Variants in ADAMTSL1 observed in about 807,000 individuals in gnomAD.
ADAMTSL1 encodes the protein ADAMTS-like protein 1.
A neutral mutation model predicts 201.8 loss-of-function variants in ADAMTSL1; 126 were observed. The ratio of observed to expected loss-of-function variants is 0.62; its 90% CI spans 0.54 to 0.72. ADAMTSL1 has a LOEUF of 0.72. Ranked by LOEUF, ADAMTSL1 falls within the 30% of genes least tolerant of loss-of-function variation. ADAMTSL1 has a pLI of 0.00. For synonymous variants in ADAMTSL1, 1,121 were observed against 903.4 expected, an observed-to-expected ratio of 1.24 and a Z score of -4.32; for missense variants, 2,679 against 2,277.8, an observed-to-expected ratio of 1.18 and a Z score of -3.59.
At chr9:18,263,062 T>C (rs1439397521) in intron 2 of ADAMTSL1, among the ~76,000 whole-genome samples, 1 of 152,218 alleles carries the variant, frequency 6.6e-6, no homozygotes, top group Non-Finnish European at 1.5e-5. Flanking sequence ...AGTAAAGTGA[T>C]TGTTTCACTA....
chr9:18,365,554 G>A (rs1836729503), intron 2 of ADAMTSL1, among the ~76,000 whole-genome samples: 1 of 152,032 alleles, frequency 6.6e-6, no homozygotes, highest in Non-Finnish European at 1.5e-5. Flanking sequence ...TTGGATATAT[G>A]GCAATTCCAC....
intron 23 of ADAMTSL1, among the ~76,000 whole-genome samples, chr9:18,867,444 A>G (rs1334776162): frequency 6.6e-6 from 1 of 152,176 alleles, no homozygotes; most frequent in Non-Finnish European, 1.5e-5. Flanking sequence ...AAACAGTGCA[A>G]ATGTGTTTTT....
intron 1 of ADAMTSL1, among the ~76,000 whole-genome samples, chr9:17,918,929 C>T (rs1015002456): frequency 6.6e-6 from 1 of 151,870 alleles, no homozygotes; most frequent in African/African-American, 2.4e-5. Context: ...AAATGACCTT[C>T]TCTATCCCTA....
intron 20 of ADAMTSL1, among the ~76,000 whole-genome samples, chr9:18,811,656 C>T: frequency 6.6e-6 from 1 of 152,136 alleles, no homozygotes; most frequent in East Asian, 1.9e-4. Context: ...TCCAGAGTCT[C>T]ATAACTAAAA....
chr9:18,658,269 C>A (rs551467910), intron 8 of ADAMTSL1, among the ~76,000 whole-genome samples: 1 of 152,018 alleles, frequency 6.6e-6, no homozygotes, highest in Non-Finnish European at 1.5e-5. Flanking sequence ...CCACCGTGCC[C>A]GACCGAGGAA....
At chr9:18,286,834 T>C (rs1833010007) in intron 2 of ADAMTSL1, among the ~76,000 whole-genome samples, 1 of 152,232 alleles carries the variant, frequency 6.6e-6, no homozygotes, top group Non-Finnish European at 1.5e-5. Flanking sequence ...TCACAGATTT[T>C]GTGTTTATGT....
At chr9:18,287,174 G>T (rs1429345807) in intron 2 of ADAMTSL1, among the ~76,000 whole-genome samples, 1 of 152,110 alleles carries the variant, frequency 6.6e-6, no homozygotes, top group Non-Finnish European at 1.5e-5. Context: ...TATCACTGAA[G>T]AAGAAAAAGG....
chr9:18,509,749 C>T (rs183671653), intron 2 of ADAMTSL1, among the ~76,000 whole-genome samples: 1 of 152,320 alleles, frequency 6.6e-6, no homozygotes, highest in Non-Finnish European at 1.5e-5. Flanking sequence ...AAGCCATCCA[C>T]CAAGTCCAGA....
In ADAMTSL1 at chr9:18,817,145, T is replaced by A; in HGVS notation, c.3842T>A (p.Ile1281Asn). Residue 1281 changes from isoleucine (I) to asparagine (N), a missense_variant, in exon 21 of 29, where the codon ATC becomes AAC. By Grantham distance (149) the Ile-to-Asn change is moderately radical (BLOSUM62 -3). Transcript: ENST00000380548. Reference protein sequence around the residue: ...PLVKTSRMTVINTEKPAVTVD... With the variant: ...PLVKTSRMTVNNTEKPAVTVD... ...GTGAAAACGTCACGAATGACAGTGA[T>A]CAACACGGAGAAGCCTGCAGTCACA... 1 of 1,603,668 alleles carries A rather than the reference T, an allele frequency of 6.2e-7. No homozygotes were observed. Among genetic ancestry groups the A allele is most frequent in the Non-Finnish European group, 8.5e-7 (1 of 1,175,098 alleles).
intron 2 of ADAMTSL1, among the ~76,000 whole-genome samples, chr9:18,357,522 G>C (rs1270770822): frequency 6.6e-6 from 1 of 152,078 alleles, no homozygotes; most frequent in African/African-American, 2.4e-5. Context: ...GTTCTTTGGT[G>C]AGTATTTTGC....
intron 1 of ADAMTSL1, among the ~76,000 whole-genome samples, chr9:17,948,359 CCAGTTGACTGGTGAATTAG>C (rs1193412511): frequency 2.0e-5 from 3 of 152,152 alleles, no homozygotes; most frequent in African/African-American, 7.2e-5. Flanking sequence ...TTCCATTGCT[CCAGTTGACTGGTGAATTAG>C]CAGCTTCATG....
At chr9:18,466,300 A>G (rs1465295706) in intron 2 of ADAMTSL1, among the ~76,000 whole-genome samples, 1 of 152,118 alleles carries the variant, frequency 6.6e-6, no homozygotes, top group Non-Finnish European at 1.5e-5. Flanking sequence ...ACCTGCATAT[A>G]TGGTAATGGT....
chr9:18,520,976 C>T (rs1028658972), intron 2 of ADAMTSL1, among the ~76,000 whole-genome samples: 1 of 152,066 alleles, frequency 6.6e-6, no homozygotes, highest in African/African-American at 2.4e-5. Flanking sequence ...TTTTGAAAGT[C>T]CCAAAGCACC....
intron 2 of ADAMTSL1, among the ~76,000 whole-genome samples, chr9:18,204,043 C>A (rs1424976578): frequency 6.6e-6 from 1 of 152,174 alleles, no homozygotes; most frequent in Non-Finnish European, 1.5e-5. Flanking sequence ...CTAAGTATCA[C>A]CTCCGATTCT....
chr9:17,954,688 G>A (rs1827861947), intron 1 of ADAMTSL1, among the ~76,000 whole-genome samples: 2 of 152,078 alleles, frequency 1.3e-5, no homozygotes, highest in Non-Finnish European at 2.9e-5. Context: ...TCTGTATAAG[G>A]TAGTTTGAGC....
At chr9:18,572,386 C>T (rs969472301) in intron 3 of ADAMTSL1, among the ~76,000 whole-genome samples, 11 of 137,678 alleles carry the variant, frequency 8.0e-5, no homozygotes, top group African/African-American at 2.5e-4. Context: ...AAACTGCATC[C>T]TATTATCTAA....
chr9:18,620,022 T>A (rs112627542), intron 4 of ADAMTSL1, among the ~76,000 whole-genome samples: 9 of 123,050 alleles, frequency 7.3e-5, no homozygotes, highest in African/African-American at 2.2e-4. Flanking sequence ...CTGATTTTTT[T>A]TTTTTTTTTT....
At chr9:18,322,309 A>G (rs4395986) in intron 2 of ADAMTSL1, among the ~76,000 whole-genome samples, 52,359 of 152,056 alleles carry the variant, frequency 0.34, 9,540 homozygotes, top group Admixed American at 0.51. Context: ...AGTCCAAACT[A>G]CAATTTTTAA....
intron 2 of ADAMTSL1, among the ~76,000 whole-genome samples, chr9:18,278,459 C>A (rs1294809222): frequency 6.6e-6 from 1 of 152,038 alleles, no homozygotes; most frequent in Non-Finnish European, 1.5e-5. Flanking sequence ...TTTCTTTCAG[C>A]ACTTTGACTA....
Sources: gnomAD v4.1 joint callset for allele counts (sites outside exome capture counted in the v4.1 genomes callset) on GRCh38, gnomAD v4.1.1 for gene constraint, MANE v1.5 for transcripts, NCBI Gene and HGNC (gene_info 2026-07-23, HGNC 2026-07-21) for gene names.